KIAA0825: variants seen among roughly 807,000 people sequenced by gnomAD.
KIAA0825 encodes KIAA0825.
Under a neutral mutation model 147.6 loss-of-function variants are expected in KIAA0825, and 119 were observed. The ratio of observed to expected loss-of-function variants is 0.81; its 90% CI spans 0.69 to 0.94. KIAA0825 has a LOEUF of 0.94. Ranked by LOEUF, KIAA0825 falls within the 40% of genes least tolerant of loss-of-function variation. The pLI, the probability that KIAA0825 is intolerant of heterozygous loss-of-function variation, is 0.00. For synonymous variants in KIAA0825, 470 were observed against 518.1 expected, an observed-to-expected ratio of 0.91 and a Z score of 1.26; for missense variants, 1,381 against 1,472.7, an observed-to-expected ratio of 0.94 and a Z score of 1.02.
intron 2 of KIAA0825, among the ~76,000 whole-genome samples, chr5:94,564,214 GTTTTTTT>G: frequency 9.5e-6 from 1 of 105,194 alleles, no homozygotes; most frequent in East Asian, 2.8e-4. Context: ...TATTCCCCTT[GTTTTTTT>G]TTTTTTTTTT....
At chr5:94,522,347 A>G (rs1459550585) in intron 4 of KIAA0825, among the ~76,000 whole-genome samples, 2 of 151,680 alleles carry the variant, frequency 1.3e-5, no homozygotes, top group African/African-American at 4.8e-5. Context: ...TGGAAAAGAA[A>G]TTGTCCTTAG....
rs369372113 is a variant in KIAA0825, at chr5:94,386,270, C to T, written c.3591G>A (p.Ala1197=). 2.1e-4 allele frequency: 331 copies of T among 1,549,190 alleles called. No individual in the cohort carries two copies. The highest frequency in any genetic ancestry group is 2.7e-4 in the Non-Finnish European group (306 of 1,146,060). ...CCTGATCTAGCATGTTTTCACTAAA[C>T]GCCTTATACACATGGAAAGGGTTAA... is the stretch of plus-strand genomic sequence containing the variant. ...SAFNPFHVYK[A]FSENMLDQVS... Residue 1197 remains alanine (A), a synonymous_variant, in exon 19 of 21, where the codon GCG becomes GCA. Coordinates refer to ENST00000682413, the MANE Select transcript of KIAA0825 (RefSeq NM_001145678.3).
chr5:94,564,999 T>C, intron 2 of KIAA0825, among the ~76,000 whole-genome samples: 2 of 132,628 alleles, frequency 1.5e-5, no homozygotes. Flanking sequence ...TTCTCCTCTC[T>C]CTCTCTCTCC....
intron 1 of KIAA0825, among the ~76,000 whole-genome samples, chr5:94,597,660 A>G (rs1175136042): frequency 1.3e-5 from 2 of 152,138 alleles, no homozygotes; most frequent in Non-Finnish European, 2.9e-5. Context: ...ATGGTGATAC[A>G]TTCTGAGAAG....
At chr5:94,428,668 T>G (rs1307944012) in intron 14 of KIAA0825, among the ~76,000 whole-genome samples, 1 of 152,226 alleles carries the variant, frequency 6.6e-6, no homozygotes, top group Non-Finnish European at 1.5e-5. Context: ...TTTTTCTAGC[T>G]GCATTTAAGA....
At chr5:94,539,063 A>G (rs1428008936) in intron 2 of KIAA0825, among the ~76,000 whole-genome samples, 2 of 152,244 alleles carry the variant, frequency 1.3e-5, no homozygotes, top group Non-Finnish European at 2.9e-5. Flanking sequence ...AGTACAGATC[A>G]TAAAGATCCT....
At chr5:94,407,614 C>T (rs1362033145) in intron 15 of KIAA0825, among the ~76,000 whole-genome samples, 8 of 152,046 alleles carry the variant, frequency 5.3e-5, no homozygotes, top group Non-Finnish European at 7.4e-5. Flanking sequence ...TGCATGATTC[C>T]ATTTATACAG....
At chr5:94,186,130 A>G (rs1372616675) in intron 20 of KIAA0825, among the ~76,000 whole-genome samples, 1 of 152,252 alleles carries the variant, frequency 6.6e-6, no homozygotes, top group African/African-American at 2.4e-5. Flanking sequence ...AGCAAAACAT[A>G]TAAACATTCA....
At chr5:94,347,463 G>C (rs1783142322) in intron 20 of KIAA0825, among the ~76,000 whole-genome samples, 1 of 152,220 alleles carries the variant, frequency 6.6e-6, no homozygotes, top group African/African-American at 2.4e-5. Flanking sequence ...CCCATAGACA[G>C]TTCACATCAC....
chr5:94,370,499 A>G (rs1746529709), intron 20 of KIAA0825, among the ~76,000 whole-genome samples: 1 of 152,204 alleles, frequency 6.6e-6, no homozygotes. Context: ...ATGGAAAAAT[A>G]AAATTAAAAT....
At chr5:94,471,364 TTC>T in intron 9 of KIAA0825, 100 bp downstream of exon 9, 1 of 1,215,498 alleles carries the variant, frequency 8.2e-7, no homozygotes, top group Non-Finnish European at 1.1e-6. Flanking sequence ...AATTATTATT[TTC>T]TCTTTCTCAA....
chr5:94,402,721 C>T (rs1336039553), intron 16 of KIAA0825, among the ~76,000 whole-genome samples: 2 of 150,952 alleles, frequency 1.3e-5, no homozygotes, highest in Non-Finnish European at 3.0e-5. Context: ...AGGAAACTTT[C>T]TCTAGTTTCC....
chr5:94,465,857 A>G (rs1167752161), intron 10 of KIAA0825, among the ~76,000 whole-genome samples: 2 of 152,250 alleles, frequency 1.3e-5, no homozygotes, highest in African/African-American at 4.8e-5. Flanking sequence ...AGGCAGAAAG[A>G]AGAGTGTGGC....
At chr5:94,224,101 T>TG (rs1773938365) in intron 20 of KIAA0825, among the ~76,000 whole-genome samples, 1 of 130,204 alleles carries the variant, frequency 7.7e-6, no homozygotes, top group African/African-American at 2.9e-5. Flanking sequence ...TTTTTTTTTT[T>TG]TTTTTTTTTT....
At position 94,452,958 on chromosome 5, in the gene KIAA0825, C is replaced by T. The variant is rs763220658; in HGVS notation, c.2357+1G>A. 5.5e-6 allele frequency: 8 copies of T among 1,454,022 alleles called. No homozygotes were observed. The South Asian group carries it at 1.1e-4, about 20-fold the overall frequency. The allele number at this position is 1,454,022 out of a possible 1,614,324, so 90.1% of individuals were successfully genotyped here. On this transcript the variant is annotated splice_donor_variant, in intron 13 of 20. Coordinates refer to ENST00000682413, the MANE Select transcript of KIAA0825 (RefSeq NM_001145678.3). LOFTEE classifies it high-confidence loss of function. Reference sequence around the variant, plus strand: ...ATAGTATGGCATTTAGAGGCTCTCACCTGAGTAAAGAAGGGTAGAAATGTG... The same window carrying T: ...ATAGTATGGCATTTAGAGGCTCTCATCTGAGTAAAGAAGGGTAGAAATGTG...
intron 20 of KIAA0825, among the ~76,000 whole-genome samples, chr5:94,195,585 CG>C (rs1771057572): frequency 6.6e-6 from 1 of 150,668 alleles, no homozygotes; most frequent in Non-Finnish European, 1.5e-5. Context: ...ATTGTAACAA[CG>C]TTTTTTTTTT....
intron 2 of KIAA0825, among the ~76,000 whole-genome samples, chr5:94,549,289 G>T (rs1186172897): frequency 6.6e-6 from 1 of 152,094 alleles, no homozygotes; most frequent in Non-Finnish European, 1.5e-5. Flanking sequence ...ATAATAAGAG[G>T]AATTTTGAAA....
intron 15 of KIAA0825, chr5:94,416,826 A>G (rs1753533115): frequency 5.5e-6 from 1 of 181,444 alleles, no homozygotes. Flanking sequence ...TTGTCCATTA[A>G]TTTGCTGAAT....
intron 5 of KIAA0825, among the ~76,000 whole-genome samples, chr5:94,496,821 G>T (rs1012521850): frequency 3.3e-5 from 5 of 152,298 alleles, no homozygotes; most frequent in South Asian, 4.1e-4. Flanking sequence ...GGTGGAGGTT[G>T]TTAGCAGGGA....
Sources: gnomAD v4.1 joint callset for allele counts (sites outside exome capture counted in the v4.1 genomes callset) on GRCh38, gnomAD v4.1.1 for gene constraint, MANE v1.5 for transcripts, NCBI Gene and HGNC (gene_info 2026-07-23, HGNC 2026-07-21) for gene names.